Variants in RPF1 observed in about 807,000 individuals in gnomAD.
The protein encoded by RPF1 is ribosome production factor 1.
Under a neutral mutation model 41.9 loss-of-function variants are expected in RPF1, and 34 were observed. The observed-to-expected ratio is 0.81, with a 90% CI of 0.62 to 1.08. RPF1 has a LOEUF of 1.08. RPF1 is among the 50% of genes least tolerant of loss of function. The probability of loss-of-function intolerance (pLI) is 0.00; values close to 1 mark genes in which losing one functional copy is unlikely to be tolerated. For missense variants in RPF1, 425 were observed against 435.2 expected (o/e 0.98, Z 0.21); for synonymous variants, 140 against 148.9 (o/e 0.94, Z 0.43).
At chr1:84,491,466 A>G (rs1204058079) in intron 5 of RPF1, among the ~76,000 whole-genome samples, 1 of 152,210 alleles carries the variant, frequency 6.6e-6, no homozygotes. Flanking sequence ...ATTGTTATCA[A>G]TATAACTTAC....
chr1:84,495,610 G>T (rs1197958382), intron 6 of RPF1, among the ~76,000 whole-genome samples, 155 bp downstream of exon 6: 2 of 151,882 alleles, frequency 1.3e-5, no homozygotes, highest in African/African-American at 4.9e-5. Flanking sequence ...TTGGGAGACT[G>T]TGGTTAAGTT....
At chr1:84,491,938 A>G (rs558085474) in intron 5 of RPF1, among the ~76,000 whole-genome samples, 2 of 152,322 alleles carry the variant, frequency 1.3e-5, no homozygotes, top group African/African-American at 4.8e-5. Flanking sequence ...AGGCCAGCAG[A>G]TTGCTTGAGG....
intron 3 of RPF1, 44 bp from the exon 4 acceptor site, chr1:84,489,589 G>A (rs1246239005): frequency 9.4e-7 from 1 of 1,059,128 alleles, no homozygotes; most frequent in Admixed American, 1.7e-5. Context: ...TGGCCCAGTA[G>A]AGTATTTCTT....
At chr1:84,489,978 T>G (rs1374833553) in intron 4 of RPF1, among the ~76,000 whole-genome samples, 1 of 152,202 alleles carries the variant, frequency 6.6e-6, no homozygotes, top group Non-Finnish European at 1.5e-5. Context: ...GCTATCCTGT[T>G]CATTACAGGA....
intron 4 of RPF1, 145 bp downstream of exon 4, chr1:84,489,873 T>C (rs533783008): frequency 3.3e-6 from 2 of 601,360 alleles, no homozygotes; most frequent in Non-Finnish European, 5.9e-6. Flanking sequence ...GCTCTGGTAA[T>C]ATGATGTAGG....
chr1:84,495,715 TTA>T (rs766994114), intron 6 of RPF1, among the ~76,000 whole-genome samples, 165 bp from the exon 7 acceptor site: 5 of 152,210 alleles, frequency 3.3e-5, no homozygotes, highest in Non-Finnish European at 5.9e-5. Flanking sequence ...TAAAATAATT[TTA>T]GATACATCTT....
intron 5 of RPF1, among the ~76,000 whole-genome samples, chr1:84,494,518 T>C (rs897714536): frequency 5.9e-5 from 9 of 152,224 alleles, no homozygotes; most frequent in Admixed American, 6.5e-5. Context: ...GCCCTGTCCA[T>C]TGTCATTAAT....
At chr1:84,482,062 C>T (rs761966050) in intron 2 of RPF1, among the ~76,000 whole-genome samples, 16 of 152,090 alleles carry the variant, frequency 1.1e-4, no homozygotes, top group Non-Finnish European at 1.9e-4. Flanking sequence ...TTGAAAACAC[C>T]ACCATTCTTG....
chr1:84,488,895 A>G (rs1483868896), intron 3 of RPF1, among the ~76,000 whole-genome samples: 4 of 152,138 alleles, frequency 2.6e-5, no homozygotes, highest in African/African-American at 9.6e-5. Context: ...ATCTGTGTTC[A>G]TGAGTGAGAC....
At chr1:84,488,639 A>G (rs1007739740) in intron 3 of RPF1, among the ~76,000 whole-genome samples, 4 of 152,144 alleles carry the variant, frequency 2.6e-5, no homozygotes, top group African/African-American at 9.7e-5. Context: ...CCTGATTTTC[A>G]AAAGAATACT....
intron 2 of RPF1, among the ~76,000 whole-genome samples, chr1:84,481,458 G>C (rs1471329348): frequency 1.3e-5 from 2 of 152,118 alleles, no homozygotes; most frequent in African/African-American, 2.4e-5. Context: ...AAAGATTTTT[G>C]GTCAGGCAAG....
rs894891957 is a variant in RPF1, at chr1:84,479,302, G to GAGC, written c.31_33dup (p.Ser11dup). The GAGC allele has an allele frequency of 4.4e-6, 7 of 1,606,522 alleles. No individual in the cohort carries two copies. The African/African-American group carries it at 9.4e-5, about 22-fold the overall frequency. On this transcript the variant is annotated inframe_insertion, in exon 1 of 9. Coordinates refer to ENST00000370654, the MANE Select transcript of RPF1 (RefSeq NM_025065.7). ...AGACCATGGCGAAAGCCGGGGATAA[G>GAGC]AGCAGCAGCAGCGGGAAGAAAAGTC...
At position 84,496,228 on chromosome 1, in the gene RPF1, CTTTT is replaced by C; in HGVS notation, c.882-14_882-11del. On this transcript the variant is annotated splice_polypyrimidine_tract_variant and intron_variant, in intron 7 of 8. Coordinates refer to ENST00000370654, the MANE Select transcript of RPF1 (RefSeq NM_025065.7). ...ATAGCTCATTCAGACTAATTTAACT[CTTTT>C]TGTCTTTGAAGATACATATTCAGGA... The C allele has an allele frequency of 6.2e-7, 1 of 1,606,026 alleles. No homozygotes were observed. Among genetic ancestry groups the C allele is most frequent in the Non-Finnish European group, 8.5e-7 (1 of 1,176,282 alleles).
rs534804511 is a variant in RPF1, at chr1:84,479,318, A to C, written c.37A>C (p.Lys13Gln). ...CGGGGATAAGAGCAGCAGCAGCGGG[A>C]AGAAAAGTCTAAAACGGAAAGCCGC... ...KAGDKSSSSG[K>Q]KSLKRKAAAE... Residue 13 changes from lysine to glutamine, a missense_variant, in exon 1 of 9, where the codon AAG (lysine) becomes CAG (glutamine). Lys to Gln is a moderately conservative substitution (Grantham distance 53). Coordinates refer to ENST00000370654, the MANE Select transcript of RPF1 (RefSeq NM_025065.7). The C allele has an allele frequency of 6.2e-7, 1 of 1,609,776 alleles. No homozygotes were observed. The highest frequency in any genetic ancestry group is 1.7e-5 in the Admixed American group (1 of 59,224).
At position 84,480,981 on chromosome 1, in the gene RPF1, T is replaced by A. The variant is rs759506969; in HGVS notation, c.254T>A (p.Leu85His). Reference protein sequence around the residue: ...RKEKLAAKKKLKKEREALGDK... With the variant: ...RKEKLAAKKKHKKEREALGDK... ...GAAAAGTTGGCAGCTAAGAAAAAACTTAAAAAAGAAAGAGAGGCTCTTGGC... is the reference window on the plus strand; with the variant it reads ...GAAAAGTTGGCAGCTAAGAAAAAACATAAAAAAGAAAGAGAGGCTCTTGGC... The change falls in exon 2 of 9, where the codon CTT (leucine) becomes CAT (histidine). Residue 85 changes from leucine (L) to histidine (H), a missense_variant. Leu to His is a moderately conservative substitution (Grantham distance 99). Transcript: ENST00000370654. 6.3e-7 allele frequency: 1 copy of A among 1,596,216 alleles called. No homozygotes were observed. The highest frequency in any genetic ancestry group is 2.2e-5 in the East Asian group (1 of 44,616).
In RPF1 at chr1:84,495,964, G is replaced by A. The variant is rs763702720; in HGVS notation, c.782G>A (p.Arg261His). 4 of 1,609,064 alleles carry A rather than the reference G, an allele frequency of 2.5e-6. No homozygotes were observed. The highest frequency in any genetic ancestry group is 2.7e-5 in the African/African-American group (2 of 74,776). The change falls in exon 7 of 9, where the codon CGT becomes CAT. Residue 261 changes from arginine to histidine, a missense_variant. Physicochemically the swap from Arg to His is conservative, Grantham distance 29 (BLOSUM62 0). Coordinates refer to ENST00000370654, the MANE Select transcript of RPF1 (RefSeq NM_025065.7). ...ACACGGCTGGGTCATTCAATTGGACGTATGTTTGCATCTCTCTTTCCTCAT... is the reference window on the plus strand; with the variant it reads ...ACACGGCTGGGTCATTCAATTGGACATATGTTTGCATCTCTCTTTCCTCAT... ...FTTRLGHSIG[R>H]MFASLFPHNP...
chr1:84,496,259 T>A lies in RPF1; in HGVS notation c.897T>A (p.Ser299Arg). 1 of 1,612,920 alleles carries A rather than the reference T, an allele frequency of 6.2e-7. No individual in the cohort carries two copies. The highest frequency in any genetic ancestry group is 2.2e-5 in the East Asian group (1 of 44,848). The change falls in exon 8 of 9, where the codon AGT (serine) becomes AGA (arginine). Residue 299 changes from serine to arginine, a missense_variant. By Grantham distance (110) the Ser-to-Arg change is moderately radical. Transcript: ENST00000370654. ...FFRFHRYIFRSEKKVGIQELG... is the reference protein window; with the variant it reads ...FFRFHRYIFRREKKVGIQELG... ...GTCTTTGAAGATACATATTCAGGAGTGAAAAGAAAGTGGGAATTCAGGAAC... is the reference window on the plus strand; with the variant it reads ...GTCTTTGAAGATACATATTCAGGAGAGAAAAGAAAGTGGGAATTCAGGAAC...
chr1:84,492,807 C>T (rs1187123134), intron 5 of RPF1, among the ~76,000 whole-genome samples: 1 of 152,174 alleles, frequency 6.6e-6, no homozygotes, highest in African/African-American at 2.4e-5. Flanking sequence ...TTCTAAATGC[C>T]AGTAACACCT....
intron 8 of RPF1, 79 bp from the exon 9 acceptor site, chr1:84,497,350 A>C (rs1012726910): frequency 3.2e-6 from 4 of 1,248,082 alleles, no homozygotes; most frequent in Non-Finnish European, 4.6e-6. Context: ...AGGGACGTTA[A>C]CTTTTACTGT....
Sources: allele counts gnomAD v4.1 joint callset (sites outside exome capture counted in the v4.1 genomes callset), GRCh38; gene constraint gnomAD v4.1.1; transcripts MANE v1.5; gene names NCBI Gene and HGNC (gene_info 2026-07-23, HGNC 2026-07-21).